Variants in DPH5 observed in about 807,000 individuals in gnomAD.
DPH5 encodes diphthamide biosynthesis 5.
Under a neutral mutation model 31.6 loss-of-function variants are expected in DPH5, and 31 were observed. The ratio of observed to expected loss-of-function variants is 0.98; its 90% confidence interval spans 0.74 to 1.32. The LOEUF (loss-of-function observed/expected upper bound fraction) is 1.32, where lower values mean the gene tolerates loss of function less well. DPH5 is among the 40% of genes most tolerant of loss of function. The pLI is 0.00. For missense variants in DPH5, 309 were observed against 335.7 expected (o/e 0.92, Z 0.62); for synonymous variants, 120 against 115.0 (o/e 1.04, Z -0.28).
chr1:101,013,606 G>T, intron 4 of DPH5, 104 bp downstream of exon 4: 1 of 807,644 alleles, frequency 1.2e-6, no homozygotes, highest in Non-Finnish European at 1.9e-6. Flanking sequence ...TCAAATAGTA[G>T]TATGTTTTAT....
At chr1:101,007,268 A>G (rs756062341) in intron 4 of DPH5, among the ~76,000 whole-genome samples, 2 of 152,174 alleles carry the variant, frequency 1.3e-5, no homozygotes, top group Non-Finnish European at 1.5e-5. Flanking sequence ...TTTATACTCA[A>G]TATATCTTCC....
intron 6 of DPH5, among the ~76,000 whole-genome samples, chr1:100,993,053 C>G (rs1035145287): frequency 6.6e-6 from 1 of 152,162 alleles, no homozygotes; most frequent in African/African-American, 2.4e-5. Flanking sequence ...AAGTAAGTGG[C>G]AATTTGGTCT....
intron 5 of DPH5, among the ~76,000 whole-genome samples, chr1:100,997,487 TC>T (rs1201299171): frequency 6.6e-6 from 1 of 152,060 alleles, no homozygotes; most frequent in Non-Finnish European, 1.5e-5. Context: ...TGTCTCAGCC[TC>T]CCGAGTAGCT....
intron 4 of DPH5, among the ~76,000 whole-genome samples, chr1:101,002,873 A>G (rs1416353291): frequency 1.3e-5 from 2 of 152,190 alleles, no homozygotes; most frequent in African/African-American, 4.8e-5. Flanking sequence ...AAGGTGGGGC[A>G]TTCAGGTGTT....
intron 5 of DPH5, 42 bp downstream of exon 5, chr1:101,001,425 T>C (rs1658857140): frequency 5.7e-6 from 9 of 1,585,634 alleles, no homozygotes; most frequent in Non-Finnish European, 7.7e-6. Context: ...AACAGTATGA[T>C]AGTTCCATAT....
intron 4 of DPH5, among the ~76,000 whole-genome samples, chr1:101,008,074 G>A (rs1659367409): frequency 1.3e-5 from 2 of 152,180 alleles, no homozygotes; most frequent in Admixed American, 1.3e-4. Flanking sequence ...AGTACCTAAA[G>A]TATCTCAGTC....
At chr1:101,000,537 G>A (rs1178702185) in intron 5 of DPH5, among the ~76,000 whole-genome samples, 1 of 152,114 alleles carries the variant, frequency 6.6e-6, no homozygotes, top group Non-Finnish European at 1.5e-5. Context: ...GAAGTAGGAG[G>A]AATTATTCCT....
chr1:101,022,421 T>A (rs1031952378), intron 2 of DPH5, among the ~76,000 whole-genome samples: 2 of 152,202 alleles, frequency 1.3e-5, no homozygotes, highest in Non-Finnish European at 2.9e-5. Context: ...GTGATTTAAT[T>A]CCCTGCAGCT....
intron 6 of DPH5, among the ~76,000 whole-genome samples, chr1:100,993,571 T>TA (rs1353626456): frequency 5.1e-5 from 4 of 78,836 alleles, no homozygotes; most frequent in Non-Finnish European, 8.1e-5. Flanking sequence ...TATATATATA[T>TA]ATATATATAT....
At position 101,021,690 on chromosome 1, in the gene DPH5, C is replaced by T. The variant is rs114495055; in HGVS notation, c.211G>A (p.Asp71Asn). 2,293 of 1,613,952 alleles carry T rather than the reference C, an allele frequency of 1.4e-3. 30 individuals are homozygous for T. In the African/African-American group the frequency reaches 0.02, roughly 14 times the overall value. The change falls in exon 3 of 8, where the codon GAT becomes AAT. Residue 71 changes from aspartate (D) to asparagine (N), a missense_variant. By Grantham distance (23) the Asp-to-Asn change is conservative (BLOSUM62 1). Transcript: ENST00000370109. ...VEQEADNILK[D>N]ADISDVAFLV... Reference sequence around the variant, plus strand: ...AATGCAACATCACTGATATCAGCATCCTTTAAAATATTATCTGCTTCTTGT... The same window carrying T: ...AATGCAACATCACTGATATCAGCATTCTTTAAAATATTATCTGCTTCTTGT...
rs904654166 is a variant in DPH5, at chr1:101,005,924, A to AG, written c.370-4338dup. Among the ~76,000 whole-genome samples, 4 of 150,608 alleles carry AG rather than the reference A, an allele frequency of 2.7e-5. No homozygotes were observed. In the East Asian group the frequency reaches 5.9e-4, roughly 22 times the overall value. The stretch of plus-strand genomic sequence containing the variant: ...GAGGGACCCGGTAGTGGGGGAGGTG[A>AG]GGGGGGGAGCAGTTACCTCCATGCT... On this transcript the variant is annotated intron_variant, in intron 4 of 7. Transcript: ENST00000370109.
chr1:101,024,300 C>G (rs1226531997), intron 2 of DPH5, among the ~76,000 whole-genome samples: 1 of 152,054 alleles, frequency 6.6e-6, no homozygotes, highest in Non-Finnish European at 1.5e-5. Flanking sequence ...GTCTCAGCTA[C>G]TCGAGAGGTT....
intron 5 of DPH5, among the ~76,000 whole-genome samples, chr1:100,997,523 G>A (rs1658468005): frequency 2.2e-5 from 3 of 136,982 alleles, no homozygotes; most frequent in South Asian, 2.3e-4. Context: ...CTGCCACCAC[G>A]CCCGGCTAAT....
At chr1:101,014,956 C>T (rs1412890018) in intron 3 of DPH5, among the ~76,000 whole-genome samples, 1 of 152,194 alleles carries the variant, frequency 6.6e-6, no homozygotes, top group Non-Finnish European at 1.5e-5. Context: ...TATCTTCAGG[C>T]TCCACTTCTA....
rs1269819610 is a variant in DPH5, at chr1:100,993,559, A to AATAAATATATAT, written c.531-820_531-819insATATATATTTAT. Reference sequence around the variant, plus strand: ...AGAGCAAGACTCTGTCGAAAATATAAATATATATATATATATATATATATA... The same window carrying AATAAATATATAT: ...AGAGCAAGACTCTGTCGAAAATATAAATAAATATATATATATATATATATATATATATATATA... On this transcript the variant is annotated intron_variant, in intron 6 of 7. Transcript: ENST00000370109. Among the ~76,000 whole-genome samples, 5 of 56,546 alleles carry AATAAATATATAT rather than the reference A, an allele frequency of 8.8e-5. 1 individual carries two copies. Among genetic ancestry groups the AATAAATATATAT allele is most frequent in the African/African-American group, 3.1e-4 (5 of 15,990 alleles). 37.1% of individuals were successfully genotyped at this position (56,546 alleles called of 152,430 possible).
chr1:101,003,716 TA>T (rs1340787681), intron 4 of DPH5, among the ~76,000 whole-genome samples: 1 of 152,218 alleles, frequency 6.6e-6, no homozygotes, highest in Non-Finnish European at 1.5e-5. Context: ...GAAGATGTTC[TA>T]AAATGCTGTG....
At chr1:100,991,492 C>T (rs1432596076) in intron 7 of DPH5, among the ~76,000 whole-genome samples, 1 of 152,132 alleles carries the variant, frequency 6.6e-6, no homozygotes, top group Non-Finnish European at 1.5e-5. Context: ...GCAACAATCA[C>T]TCAAGAATCT....
intron 6 of DPH5, among the ~76,000 whole-genome samples, chr1:100,993,559 A>AATAAATATATATATAT (rs1269819610): frequency 1.8e-5 from 1 of 56,546 alleles, no homozygotes; most frequent in African/African-American, 6.3e-5. Flanking sequence ...CGAAAATATA[A>AATAAATATATATATAT]ATATATATAT....
intron 5 of DPH5, chr1:100,995,380 C>T: frequency 2.5e-6 from 1 of 399,452 alleles, no homozygotes; most frequent in Non-Finnish European, 4.7e-6. Context: ...CATCTAATTT[C>T]CTTTTGGAAA....
Sources: gnomAD v4.1 joint callset for allele counts (sites outside exome capture counted in the v4.1 genomes callset) on GRCh38, gnomAD v4.1.1 for gene constraint, MANE v1.5 for transcripts, NCBI Gene and HGNC (gene_info 2026-07-23, HGNC 2026-07-21) for gene names.